The following SEMA5A variants were observed in gnomAD, a reference collection of about 807,000 sequenced individuals.
The protein encoded by SEMA5A is semaphorin 5A.
Under a neutral mutation model 135.5 loss-of-function variants are expected in SEMA5A, and 55 were observed. The observed-to-expected ratio is 0.41, with a 90% CI of 0.33 to 0.51. The LOEUF (loss-of-function observed/expected upper bound fraction) is 0.51, where lower values mean the gene tolerates loss of function less well. Ranked by LOEUF, SEMA5A falls within the 20% of genes least tolerant of loss-of-function variation. The probability of loss-of-function intolerance (pLI) is 0.37; values close to 1 mark genes in which losing one functional copy is unlikely to be tolerated. For missense variants in SEMA5A, 1,290 were observed against 1,419.9 expected, an observed-to-expected ratio of 0.91 and a Z score of 1.47; for synonymous variants, 580 against 546.5, an observed-to-expected ratio of 1.06 and a Z score of -0.85.
chr5:9,059,665 T>C (rs1737076932), intron 18 of SEMA5A, among the ~76,000 whole-genome samples: 1 of 152,196 alleles, frequency 6.6e-6, no homozygotes, highest in Admixed American at 6.5e-5. Context: ...TTCTTCTGCC[T>C]CAACCTCCTA....
At chr5:9,179,354 C>G (rs777532697) in intron 11 of SEMA5A, among the ~76,000 whole-genome samples, 35 of 152,088 alleles carry the variant, frequency 2.3e-4, no homozygotes, top group Non-Finnish European at 4.7e-4. Context: ...TCATGTGAAA[C>G]CTGAGAGGAA....
At chr5:9,183,809 C>T (rs1378317464) in intron 11 of SEMA5A, among the ~76,000 whole-genome samples, 1 of 152,198 alleles carries the variant, frequency 6.6e-6, no homozygotes, top group Non-Finnish European at 1.5e-5. Flanking sequence ...TCTTCTTTGG[C>T]TAGCAGCCAA....
intron 5 of SEMA5A, among the ~76,000 whole-genome samples, chr5:9,276,666 C>A (rs1215307639): frequency 6.6e-6 from 1 of 152,156 alleles, no homozygotes; most frequent in Admixed American, 6.5e-5. Context: ...CACACATTTA[C>A]AACCATCTGA....
At chr5:9,235,289 G>A (rs527759090) in intron 6 of SEMA5A, among the ~76,000 whole-genome samples, 178 of 152,132 alleles carry the variant, frequency 1.2e-3, no homozygotes, top group African/African-American at 3.9e-3. Flanking sequence ...AGGACTCTAG[G>A]GAGCATAAAA....
At chr5:9,195,328 G>A (rs1745329564) in intron 10 of SEMA5A, among the ~76,000 whole-genome samples, 1 of 151,948 alleles carries the variant, frequency 6.6e-6, no homozygotes, top group Admixed American at 6.6e-5. Flanking sequence ...ACCGTGCCTG[G>A]CTAATTTTTT....
chr5:9,236,850 C>A (rs990037403), intron 6 of SEMA5A, among the ~76,000 whole-genome samples: 1 of 152,138 alleles, frequency 6.6e-6, no homozygotes, highest in South Asian at 2.1e-4. Context: ...CTGGCTGACA[C>A]TTGCCTCAGT....
chr5:9,377,575 A>G lies in SEMA5A; in HGVS notation c.124+2248T>C, dbSNP rs1755418026. On this transcript the variant is annotated intron_variant, in intron 3 of 22. Transcript: ENST00000382496. ...GAGAGAGAAAAAAGTCATTTTAAAGATTTTTCAATAATCCAAAACAACTAG... is the reference window on the plus strand; with the variant it reads ...GAGAGAGAAAAAAGTCATTTTAAAGGTTTTTCAATAATCCAAAACAACTAG... Among the ~76,000 whole-genome samples the G allele has an allele frequency of 2.0e-5, 3 of 152,140 alleles. No homozygotes were observed. The South Asian group carries it at 6.2e-4, about 32-fold the overall frequency.
chr5:9,297,360 G>GGTGGTGAT (rs1751389874), intron 5 of SEMA5A, among the ~76,000 whole-genome samples: 2 of 151,940 alleles, frequency 1.3e-5, no homozygotes, highest in Non-Finnish European at 2.9e-5. Context: ...AACCTCTCAA[G>GGTGGTGAT]GCCTGCAGGT....
intron 5 of SEMA5A, among the ~76,000 whole-genome samples, chr5:9,263,263 C>T (rs748102244): frequency 1.3e-5 from 2 of 152,178 alleles, no homozygotes; most frequent in African/African-American, 2.4e-5. Flanking sequence ...ACCCAAGCCA[C>T]GGACTGGTCC....
At chr5:9,054,329 A>C in intron 18 of SEMA5A, 72 bp from the exon 19 acceptor site, 3 of 1,533,758 alleles carry the variant, frequency 2.0e-6, no homozygotes, top group Non-Finnish European at 1.8e-6. Context: ...TACTAAATGG[A>C]AGCTAAGTGG....
At chr5:9,121,599 A>T (rs1740815633) in intron 14 of SEMA5A, among the ~76,000 whole-genome samples, 1 of 152,258 alleles carries the variant, frequency 6.6e-6, no homozygotes, top group Non-Finnish European at 1.5e-5. Flanking sequence ...TAGTTTTTGT[A>T]AGTTTTACCC....
chr5:9,522,446 G>T (rs1174445035), intron 1 of SEMA5A, among the ~76,000 whole-genome samples: 3 of 152,152 alleles, frequency 2.0e-5, no homozygotes, highest in South Asian at 4.1e-4. Flanking sequence ...TGCTGGGCAT[G>T]GTGCTGCGTG....
At chr5:9,528,693 C>T (rs148676017) in intron 1 of SEMA5A, among the ~76,000 whole-genome samples, 1,849 of 152,304 alleles carry the variant, frequency 0.012, 22 homozygotes, top group Non-Finnish European at 0.017. Flanking sequence ...CAAGGAGAAC[C>T]ACTCAGCTGA....
chr5:9,511,737 T>C (rs1736216343), intron 1 of SEMA5A, among the ~76,000 whole-genome samples: 1 of 152,206 alleles, frequency 6.6e-6, no homozygotes, highest in African/African-American at 2.4e-5. Context: ...AGGTAATACA[T>C]ATGTTAATTA....
intron 5 of SEMA5A, among the ~76,000 whole-genome samples, chr5:9,311,153 G>A (rs1355571855): frequency 1.3e-5 from 2 of 151,484 alleles, no homozygotes; most frequent in African/African-American, 4.8e-5. Flanking sequence ...CAACGGGGGG[G>A]TCCTGCTCTG....
chr5:9,542,057 A>G (rs945524020), intron 1 of SEMA5A, among the ~76,000 whole-genome samples: 11 of 152,116 alleles, frequency 7.2e-5, no homozygotes, highest in African/African-American at 2.7e-4. Context: ...GCTTACTTTA[A>G]TTTTGCTTTT....
chr5:9,370,071 A>G (rs1483359728), intron 3 of SEMA5A, among the ~76,000 whole-genome samples: 1 of 152,240 alleles, frequency 6.6e-6, no homozygotes, highest in East Asian at 1.9e-4. Context: ...TCTGGCACAT[A>G]ATAAGCACTC....
intron 5 of SEMA5A, among the ~76,000 whole-genome samples, chr5:9,258,920 TCAAGCAATTCTCGTGCCTCAG>T (rs1749245513): frequency 6.8e-6 from 1 of 146,318 alleles, no homozygotes; most frequent in Non-Finnish European, 1.5e-5. Flanking sequence ...GTTCAAGCGT[TCAAGCAATTCTCGTGCCTCAG>T]CCTCCCAAGT....
At chr5:9,310,802 C>CAT (rs59096330) in intron 5 of SEMA5A, among the ~76,000 whole-genome samples, 17 of 146,218 alleles carry the variant, frequency 1.2e-4, no homozygotes, top group Admixed American at 4.8e-4. Context: ...TGCATATATA[C>CAT]ATATATATAT....
Sources: gnomAD v4.1 joint callset for allele counts (sites outside exome capture counted in the v4.1 genomes callset) on GRCh38, gnomAD v4.1.1 for gene constraint, MANE v1.5 for transcripts, NCBI Gene and HGNC (gene_info 2026-07-23, HGNC 2026-07-21) for gene names.